GCSAML: variants seen among roughly 807,000 people sequenced by gnomAD.
GCSAML encodes germinal center-associated signaling and motility-like protein.
In GCSAML, 9 loss-of-function variants were observed where a neutral mutation model predicts 13.0. The observed-to-expected ratio is 0.69, with a 90% CI of 0.42 to 1.21. The LOEUF is 1.21. Ranked by LOEUF, GCSAML falls within the 50% of genes most tolerant of loss-of-function variation. The pLI, the probability that GCSAML is intolerant of heterozygous loss-of-function variation, is 0.00. For missense variants in GCSAML, 143 were observed against 153.4 expected, an observed-to-expected ratio of 0.93 and a Z score of 0.36; for synonymous variants, 37 against 52.9, an observed-to-expected ratio of 0.70 and a Z score of 1.31.
At chr1:247,537,104 A>G (rs1667245816) in intron 2 of GCSAML, among the ~76,000 whole-genome samples, 4 of 152,344 alleles carry the variant, frequency 2.6e-5, no homozygotes, top group South Asian at 4.1e-4. Context: ...GAAAACCTGT[A>G]GCCATCGAGC....
At chr1:247,509,685 T>C (rs1373558617) in intron 1 of GCSAML, among the ~76,000 whole-genome samples, 1 of 152,208 alleles carries the variant, frequency 6.6e-6, no homozygotes, top group Non-Finnish European at 1.5e-5. Flanking sequence ...CATCAGTACC[T>C]AGTTTATTGA....
chr1:247,521,192 CA>C (rs1262441854), intron 1 of GCSAML, among the ~76,000 whole-genome samples: 2 of 150,384 alleles, frequency 1.3e-5, no homozygotes, highest in Non-Finnish European at 2.9e-5. Flanking sequence ...ATTGGGAATC[CA>C]AAAAAATTGA....
intron 3 of GCSAML, chr1:247,565,670 A>T: frequency 5.1e-6 from 2 of 392,618 alleles, no homozygotes; most frequent in Non-Finnish European, 9.0e-6. Flanking sequence ...CTTATTCAGT[A>T]CATTAATGTG....
intron 1 of GCSAML, 24 bp downstream of exon 1, chr1:247,549,244 C>T (rs1381399065): frequency 1.2e-6 from 2 of 1,603,238 alleles, no homozygotes; most frequent in Admixed American, 3.3e-5. Context: ...CTTGGTGCCG[C>T]CTTTCTTGGG....
intron 1 of GCSAML, among the ~76,000 whole-genome samples, chr1:247,510,125 C>G (rs1665978508): frequency 6.6e-6 from 1 of 152,192 alleles, no homozygotes; most frequent in Non-Finnish European, 1.5e-5. Context: ...GTGAATCCAT[C>G]TGGTCCTGGG....
chr1:247,539,662 C>T (rs374951693), intron 2 of GCSAML, among the ~76,000 whole-genome samples: 1 of 152,182 alleles, frequency 6.6e-6, no homozygotes, highest in East Asian at 1.9e-4. Context: ...AGCCCTCGGC[C>T]TCAAACATTG....
intron 1 of GCSAML, among the ~76,000 whole-genome samples, chr1:247,554,152 T>C (rs1214518773): frequency 6.6e-6 from 1 of 152,212 alleles, no homozygotes; most frequent in African/African-American, 2.4e-5. Flanking sequence ...AGTATATTTG[T>C]CACTTGAAGT....
At chr1:247,551,778 A>G (rs1667785730) in intron 1 of GCSAML, among the ~76,000 whole-genome samples, 1 of 152,216 alleles carries the variant, frequency 6.6e-6, no homozygotes, top group Non-Finnish European at 1.5e-5. Context: ...GGTTCAACAA[A>G]TTTTGGATAG....
chr1:247,536,869 T>A (rs6426256), intron 2 of GCSAML, among the ~76,000 whole-genome samples: 15,101 of 152,182 alleles, frequency 0.099, 2,395 homozygotes, highest in African/African-American at 0.34. Context: ...ACTCTTTTTT[T>A]AAAAAAACCA....
At chr1:247,514,032 G>A (rs922983009) in intron 1 of GCSAML, among the ~76,000 whole-genome samples, 7 of 152,022 alleles carry the variant, frequency 4.6e-5, no homozygotes, top group African/African-American at 1.7e-4. Context: ...CCAGGTTGGA[G>A]TGCAGTGGTG....
chr1:247,573,251 C>T (rs558775102), intron 4 of GCSAML, among the ~76,000 whole-genome samples: 1 of 152,288 alleles, frequency 6.6e-6, no homozygotes, highest in South Asian at 2.1e-4. Context: ...TTGGTGTCTG[C>T]TCAAATGGCC....
intron 2 of GCSAML, among the ~76,000 whole-genome samples, chr1:247,543,434 C>T (rs1177015714): frequency 6.6e-5 from 10 of 152,044 alleles, no homozygotes. Flanking sequence ...TAAACTTTAT[C>T]ATAAGTATGT....
intron 4 of GCSAML, among the ~76,000 whole-genome samples, chr1:247,571,516 T>G (rs566260173): frequency 1.3e-5 from 2 of 152,332 alleles, no homozygotes; most frequent in South Asian, 4.1e-4. Context: ...TTAAGAATGT[T>G]GAATATTGGC....
At chr1:247,571,922 C>A (rs1668630810) in intron 4 of GCSAML, among the ~76,000 whole-genome samples, 1 of 151,914 alleles carries the variant, frequency 6.6e-6, no homozygotes, top group African/African-American at 2.4e-5. Context: ...TTTTCTCTAA[C>A]ATTGTCTTCA....
At chr1:247,559,873 T>C (rs1668065932) in intron 2 of GCSAML, among the ~76,000 whole-genome samples, 1 of 152,226 alleles carries the variant, frequency 6.6e-6, no homozygotes, top group African/African-American at 2.4e-5. Flanking sequence ...CATACTGAAA[T>C]AAGGCCCAAT....
chr1:247,515,033 T>C (rs1471406400), intron 1 of GCSAML, among the ~76,000 whole-genome samples: 1 of 152,346 alleles, frequency 6.6e-6, no homozygotes, highest in Non-Finnish European at 1.5e-5. Context: ...TGCATTGAAC[T>C]TGTAGACTGC....
intron 1 of GCSAML, among the ~76,000 whole-genome samples, chr1:247,514,480 GCTAT>G (rs141261092): frequency 0.25 from 37,399 of 151,924 alleles, 5,006 homozygotes; most frequent in Middle Eastern, 0.39. Flanking sequence ...TTACTTAAGT[GCTAT>G]CTATTTATCT....
intron 2 of GCSAML, chr1:247,536,511 G>A (rs1667224053): frequency 6.6e-6 from 1 of 152,172 alleles, no homozygotes; most frequent in African/African-American, 2.4e-5. Context: ...GAATGAGAAA[G>A]TATATGCAGA....
chr1:247,508,105 G>A (rs1665890175), intron 1 of GCSAML, among the ~76,000 whole-genome samples: 1 of 152,158 alleles, frequency 6.6e-6, no homozygotes, highest in South Asian at 2.1e-4. Flanking sequence ...CTTCCACAAT[G>A]GTTGAACTAA....
Sources: gnomAD v4.1 joint callset for allele counts (sites outside exome capture counted in the v4.1 genomes callset) on GRCh38, gnomAD v4.1.1 for gene constraint, MANE v1.5 for transcripts, NCBI Gene and HGNC (gene_info 2026-07-23, HGNC 2026-07-21) for gene names.